NMNAT2: variants seen among roughly 807,000 people sequenced by gnomAD.
NMNAT2 encodes the protein nicotinamide/nicotinic acid mononucleotide adenylyltransferase 2.
In NMNAT2, 11 loss-of-function variants were observed where a neutral mutation model predicts 41.6. The observed-to-expected ratio is 0.26, with a 90% CI of 0.17 to 0.44. NMNAT2 has a LOEUF of 0.44. Ranked by LOEUF, NMNAT2 falls within the 20% of genes least tolerant of loss-of-function variation. The pLI is 1.00. For synonymous variants in NMNAT2, 148 were observed against 151.2 expected, an observed-to-expected ratio of 0.98 and a Z score of 0.16; for missense variants, 288 against 407.7, an observed-to-expected ratio of 0.71 and a Z score of 2.53.
intron 1 of NMNAT2, among the ~76,000 whole-genome samples, chr1:183,397,972 A>T (rs908351303): frequency 6.6e-6 from 1 of 152,236 alleles, no homozygotes; most frequent in African/African-American, 2.4e-5. Flanking sequence ...AATGGTAAAG[A>T]CCATAGATGC....
rs1660280920 is a variant in NMNAT2 at position 183,248,276 on chromosome 1, T to A, written c.*4365A>T. 6.6e-6 allele frequency: 1 copy of A among 152,668 alleles called. No homozygotes were observed. Among genetic ancestry groups the A allele is most frequent in the Non-Finnish European group, 1.5e-5 (1 of 68,036 alleles). 9.5% of individuals were successfully genotyped at this position (152,668 alleles called of 1,614,324 possible). A position where few individuals can be genotyped will look rare whatever the true frequency, so the allele number is the denominator to read the frequency against. On this transcript the variant is annotated 3_prime_UTR_variant, in exon 11 of 11. Coordinates refer to ENST00000287713, the MANE Select transcript of NMNAT2 (RefSeq NM_015039.4). ...CTTATTTATTAACATAATTGAAACA[T>A]TTTGCATAAAACTCTTGCCCATGAC... is the stretch of plus-strand genomic sequence containing the variant.
At chr1:183,388,997 A>G (rs1410959512) in intron 1 of NMNAT2, among the ~76,000 whole-genome samples, 8 of 152,214 alleles carry the variant, frequency 5.3e-5, no homozygotes, top group African/African-American at 1.7e-4. Context: ...GAGCACAAGG[A>G]AAAGAAAGGG....
chr1:183,373,839 A>T (rs958852065), intron 1 of NMNAT2, among the ~76,000 whole-genome samples: 2 of 152,088 alleles, frequency 1.3e-5, no homozygotes, highest in Non-Finnish European at 2.9e-5. Context: ...GCTGGTCTCA[A>T]ACTTGTGACC....
intron 3 of NMNAT2, among the ~76,000 whole-genome samples, chr1:183,292,049 A>G (rs1392539647): frequency 6.6e-6 from 1 of 152,196 alleles, no homozygotes; most frequent in Non-Finnish European, 1.5e-5. Flanking sequence ...CGCCCCTTTC[A>G]TGGAAACCTC....
chr1:183,402,120 T>C (rs964520761), intron 1 of NMNAT2, among the ~76,000 whole-genome samples: 2 of 152,158 alleles, frequency 1.3e-5, no homozygotes, highest in Non-Finnish European at 2.9e-5. Flanking sequence ...CTGGGTCACA[T>C]AGCATGTTTG....
intron 1 of NMNAT2, among the ~76,000 whole-genome samples, chr1:183,400,622 A>C (rs528404819): frequency 1.3e-5 from 2 of 152,328 alleles, no homozygotes; most frequent in South Asian, 4.1e-4. Context: ...CCTAAGCCAA[A>C]AGAACAGAGC....
At chr1:183,304,420 A>G (rs1317693972) in intron 1 of NMNAT2, among the ~76,000 whole-genome samples, 1 of 152,116 alleles carries the variant, frequency 6.6e-6, no homozygotes, top group Non-Finnish European at 1.5e-5. Context: ...TCCCAAGGGG[A>G]TGATAGGTTA....
intron 1 of NMNAT2, among the ~76,000 whole-genome samples, chr1:183,413,045 C>T (rs1649160462): frequency 1.3e-5 from 2 of 152,074 alleles, no homozygotes; most frequent in Admixed American, 6.5e-5. Context: ...CTGGCTGGCT[C>T]ACTTGTATAA....
At chr1:183,319,325 T>A (rs932028502) in intron 1 of NMNAT2, among the ~76,000 whole-genome samples, 2 of 152,240 alleles carry the variant, frequency 1.3e-5, no homozygotes, top group Non-Finnish European at 2.9e-5. Flanking sequence ...CAGTCAGACT[T>A]ATAAACACCA....
At chr1:183,387,133 A>G (rs1033497840) in intron 1 of NMNAT2, among the ~76,000 whole-genome samples, 2 of 151,064 alleles carry the variant, frequency 1.3e-5, no homozygotes, top group South Asian at 4.1e-4. Context: ...TAATATATAG[A>G]GTATAATTCT....
intron 8 of NMNAT2, among the ~76,000 whole-genome samples, chr1:183,270,783 C>T (rs1455573854): frequency 1.3e-5 from 2 of 152,150 alleles, no homozygotes; most frequent in Non-Finnish European, 2.9e-5. Flanking sequence ...AGTGTGGGGG[C>T]CTAATCCCTG....
intron 8 of NMNAT2, among the ~76,000 whole-genome samples, chr1:183,273,810 TCTTTC>T (rs1661047969): frequency 6.7e-6 from 1 of 149,062 alleles, no homozygotes; most frequent in Non-Finnish European, 1.5e-5. Flanking sequence ...TTTCTCTCTT[TCTTTC>T]CTTTCTTTTC....
chr1:183,255,853 A>G (rs930363435), intron 10 of NMNAT2, among the ~76,000 whole-genome samples: 40 of 151,974 alleles, frequency 2.6e-4, no homozygotes, highest in Admixed American at 4.6e-4. Flanking sequence ...TGTTAGAGAC[A>G]GGGTTTCACC....
At position 183,249,758 on chromosome 1, in the gene NMNAT2, G is replaced by C. The variant is rs1454952747; in HGVS notation, c.*2883C>G. On this transcript the variant is annotated 3_prime_UTR_variant, in exon 11 of 11. Coordinates refer to ENST00000287713, the MANE Select transcript of NMNAT2 (RefSeq NM_015039.4). ...TTGGGGGGTAGGGGGTGCGGCGATG[G>C]GAATGGATGATTCTATCCAAAAGAA... 1 of 150,730 alleles carries C rather than the reference G, an allele frequency of 6.6e-6. No individual in the cohort carries two copies. Among genetic ancestry groups the C allele is most frequent in the East Asian group, 2.0e-4 (1 of 5,116 alleles). 9.3% of individuals were successfully genotyped at this position (150,730 alleles called of 1,614,324 possible).
chr1:183,252,770 T>G, intron 10 of NMNAT2, 27 bp from the exon 11 acceptor site: 1 of 1,556,634 alleles, frequency 6.4e-7, no homozygotes, highest in South Asian at 1.1e-5. Context: ...GACAATCAGA[T>G]GGACATCCAC....
At chr1:183,334,249 T>C (rs1662639021) in intron 1 of NMNAT2, among the ~76,000 whole-genome samples, 1 of 152,090 alleles carries the variant, frequency 6.6e-6, no homozygotes, top group Non-Finnish European at 1.5e-5. Flanking sequence ...GTATTTTTAG[T>C]AGACACAGGG....
chr1:183,297,066 A>T (rs2102312988), intron 1 of NMNAT2, among the ~76,000 whole-genome samples: 1 of 148,414 alleles, frequency 6.7e-6, no homozygotes, highest in East Asian at 2.0e-4. Flanking sequence ...GTGCCTTCTA[A>T]CTCTTCACTT....
At chr1:183,386,356 C>T (rs1212800287) in intron 1 of NMNAT2, among the ~76,000 whole-genome samples, 1 of 152,066 alleles carries the variant, frequency 6.6e-6, no homozygotes, top group Non-Finnish European at 1.5e-5. Context: ...ACAAAGTTTC[C>T]AATATCTTGA....
intron 1 of NMNAT2, among the ~76,000 whole-genome samples, chr1:183,300,483 C>T (rs986548224): frequency 1.3e-5 from 2 of 151,610 alleles, no homozygotes; most frequent in South Asian, 2.1e-4. Context: ...ACCACATCTG[C>T]CTGAGCCTTT....
Sources: gnomAD v4.1 joint callset for allele counts (sites outside exome capture counted in the v4.1 genomes callset) on GRCh38, gnomAD v4.1.1 for gene constraint, MANE v1.5 for transcripts, NCBI Gene and HGNC (gene_info 2026-07-23, HGNC 2026-07-21) for gene names.